MNAT1: variants seen among roughly 807,000 people sequenced by gnomAD.
MNAT1 encodes CDK-activating kinase assembly factor MAT1.
Under a neutral mutation model 42.0 loss-of-function variants are expected in MNAT1, and 43 were observed. The observed-to-expected ratio is 1.02, with a 90% confidence interval of 0.80 to 1.32. MNAT1 has a LOEUF of 1.32. Ranked by LOEUF, MNAT1 falls within the 40% of genes most tolerant of loss-of-function variation. The pLI is 0.00. For missense variants in MNAT1, 306 were observed against 350.4 expected (o/e 0.87, Z 1.01); for synonymous variants, 118 against 120.0 (o/e 0.98, Z 0.11).
At chr14:60,797,396 A>G (rs557852289) in intron 2 of MNAT1, among the ~76,000 whole-genome samples, 33 of 152,116 alleles carry the variant, frequency 2.2e-4, no homozygotes, top group Admixed American at 3.9e-4. Context: ...AGTCGCTTCA[A>G]TTTTTTGTGT....
In MNAT1 at chr14:60,750,985, G is replaced by A. The variant is rs546919366; in HGVS notation, c.89+16034G>A. Among the ~76,000 whole-genome samples, 5 of 152,204 alleles carry A rather than the reference G, an allele frequency of 3.3e-5. No homozygotes were observed. The East Asian group carries it at 7.7e-4, about 24-fold the overall frequency. ...TGTGCAAAAGTACAGCTTACAAAAT[G>A]CTATTTGTTTTATTAAAAGGATTGA... On this transcript the variant is annotated intron_variant, in intron 1 of 7. Coordinates refer to ENST00000261245, the MANE Select transcript of MNAT1 (RefSeq NM_002431.4).
At chr14:60,943,011 T>A (rs937193076) in intron 7 of MNAT1, among the ~76,000 whole-genome samples, 1 of 42,788 alleles carries the variant, frequency 2.3e-5, no homozygotes, top group African/African-American at 1.4e-4. Context: ...GTAGTGTGTG[T>A]GTGTGTGTGT....
At chr14:60,875,487 A>G (rs565395431) in intron 6 of MNAT1, among the ~76,000 whole-genome samples, 4 of 152,240 alleles carry the variant, frequency 2.6e-5, no homozygotes, top group African/African-American at 7.2e-5. Flanking sequence ...CTCAGTCACA[A>G]TATCTAACCC....
At chr14:60,754,752 G>A (rs192676868) in intron 1 of MNAT1, among the ~76,000 whole-genome samples, 3 of 152,252 alleles carry the variant, frequency 2.0e-5, no homozygotes, top group African/African-American at 7.2e-5. Flanking sequence ...AAGTAATCAA[G>A]GGGGAATCTA....
chr14:60,745,806 T>G (rs1222750451), intron 1 of MNAT1, among the ~76,000 whole-genome samples: 5 of 152,202 alleles, frequency 3.3e-5, no homozygotes, highest in Non-Finnish European at 7.3e-5. Flanking sequence ...TCTGATTACT[T>G]TTTTGTTTTT....
intron 1 of MNAT1, among the ~76,000 whole-genome samples, chr14:60,752,525 G>A (rs1347667738): frequency 6.6e-6 from 1 of 152,022 alleles, no homozygotes; most frequent in East Asian, 1.9e-4. Context: ...CTTCTTATTT[G>A]TATGTGTGTG....
rs756357048 is a variant in MNAT1, at chr14:60,898,095, TTGTGTGTG to T, written c.809+18299_809+18306del. ...CTTTGAATGGCTAAATAGTAATACA[TTGTGTGTG>T]TGTGTGTGTGTGTGTGTGTGTGTGT... On this transcript the variant is annotated intron_variant, in intron 7 of 7. Transcript: ENST00000261245. Among the ~76,000 whole-genome samples, 704 of 143,776 alleles carry T rather than the reference TTGTGTGTG, an allele frequency of 4.9e-3. 5 individuals are homozygous for T. Among genetic ancestry groups the T allele is most frequent in the Middle Eastern group, 0.024 (7 of 294 alleles). 94.3% of individuals were successfully genotyped at this position (143,776 alleles called of 152,430 possible). A position where few individuals can be genotyped will look rare whatever the true frequency, so the allele number is the denominator to read the frequency against.
chr14:60,899,092 C>T (rs563178320), intron 7 of MNAT1, among the ~76,000 whole-genome samples: 1 of 152,166 alleles, frequency 6.6e-6, no homozygotes, highest in East Asian at 1.9e-4. Flanking sequence ...TTTCCGGGTT[C>T]TCTATTATGT....
At chr14:60,877,139 C>A (rs1280244095) in intron 6 of MNAT1, among the ~76,000 whole-genome samples, 2 of 151,976 alleles carry the variant, frequency 1.3e-5, no homozygotes, top group Non-Finnish European at 2.9e-5. Flanking sequence ...TCTTAAATAG[C>A]CATGGGTGTG....
At chr14:60,776,994 C>A (rs2031276914) in intron 1 of MNAT1, among the ~76,000 whole-genome samples, 1 of 152,000 alleles carries the variant, frequency 6.6e-6, no homozygotes, top group South Asian at 2.1e-4. Flanking sequence ...ATTACAGGTG[C>A]ACACCACCAC....
chr14:60,941,321 T>A (rs2036155267), intron 7 of MNAT1, among the ~76,000 whole-genome samples: 1 of 152,218 alleles, frequency 6.6e-6, no homozygotes, highest in South Asian at 2.1e-4. Context: ...ATGCTTTCAA[T>A]AACATAGTTT....
intron 7 of MNAT1, among the ~76,000 whole-genome samples, chr14:60,942,685 GA>G (rs1196127204): frequency 4.6e-5 from 7 of 151,488 alleles, no homozygotes; most frequent in African/African-American, 1.7e-4. Context: ...CCATTTTTAT[GA>G]ATAAAAAAAT....
At chr14:60,813,530 C>T (rs533028218) in intron 5 of MNAT1, among the ~76,000 whole-genome samples, 1 of 152,238 alleles carries the variant, frequency 6.6e-6, no homozygotes, top group East Asian at 1.9e-4. Context: ...AGGGCTTGGG[C>T]TAGGAAACTG....
intron 7 of MNAT1, among the ~76,000 whole-genome samples, chr14:60,930,163 A>G (rs2035855729): frequency 1.3e-5 from 2 of 150,738 alleles, no homozygotes; most frequent in African/African-American, 2.4e-5. Flanking sequence ...TTAAGAGGAT[A>G]TCCTCCTTCG....
intron 1 of MNAT1, among the ~76,000 whole-genome samples, chr14:60,785,126 T>C (rs2031605674): frequency 6.6e-6 from 1 of 152,238 alleles, no homozygotes. Flanking sequence ...ATTATAGGCA[T>C]GAGCCACCAC....
intron 6 of MNAT1, among the ~76,000 whole-genome samples, chr14:60,875,269 A>G (rs1405914583): frequency 1.3e-5 from 2 of 152,122 alleles, no homozygotes; most frequent in Non-Finnish European, 2.9e-5. Flanking sequence ...TTATTTAAAA[A>G]TAGGATATTA....
In MNAT1 at chr14:60,855,141, G is replaced by A. The variant is rs149544481; in HGVS notation, c.688-24573G>A. Among the ~76,000 whole-genome samples, 781 of 152,280 alleles carry A rather than the reference G, an allele frequency of 5.1e-3. 14 individuals carry two copies. Among genetic ancestry groups the A allele is most frequent in the African/African-American group, 0.018 (733 of 41,578 alleles). Reference sequence around the variant, plus strand: ...GGGAAAACCACCTACTAAAGCCACAGTAATGGCAGATACCTCTCCCCGCAC... The same window carrying A: ...GGGAAAACCACCTACTAAAGCCACAATAATGGCAGATACCTCTCCCCGCAC... On this transcript the variant is annotated intron_variant, in intron 6 of 7. Transcript: ENST00000261245.
chr14:60,900,024 G>A (rs1041859158), intron 7 of MNAT1, among the ~76,000 whole-genome samples: 16 of 148,654 alleles, frequency 1.1e-4, no homozygotes, highest in African/African-American at 4.0e-4. Context: ...TGTTCTGACT[G>A]TTCTTCTGAC....
intron 3 of MNAT1, among the ~76,000 whole-genome samples, chr14:60,806,670 A>C (rs940991578): frequency 6.6e-6 from 1 of 152,190 alleles, no homozygotes; most frequent in Admixed American, 6.5e-5. Context: ...TCTCTACTGA[A>C]ATATACAAAA....
Sources: gnomAD v4.1 joint callset for allele counts (sites outside exome capture counted in the v4.1 genomes callset) on GRCh38, gnomAD v4.1.1 for gene constraint, MANE v1.5 for transcripts, NCBI Gene and HGNC (gene_info 2026-07-23, HGNC 2026-07-21) for gene names.